The following PDE2A variants were observed in gnomAD, a reference collection of about 807,000 sequenced individuals.
PDE2A encodes cGMP-dependent 3',5'-cyclic phosphodiesterase.
PDE2A carries 53 observed loss-of-function variants against 133.6 expected under a neutral mutation model. The ratio of observed to expected loss-of-function variants is 0.40; its 90% CI spans 0.32 to 0.50. The LOEUF (loss-of-function observed/expected upper bound fraction) is 0.50, where lower values mean the gene tolerates loss of function less well. Ranked by LOEUF, PDE2A falls within the 20% of genes least tolerant of loss-of-function variation. The pLI, the probability that PDE2A is intolerant of heterozygous loss-of-function variation, is 0.73. For synonymous variants in PDE2A, 491 were observed against 490.2 expected, an observed-to-expected ratio of 1.00 and a Z score of -0.02; for missense variants, 796 against 1,232.4, an observed-to-expected ratio of 0.65 and a Z score of 5.30.
chr11:72,598,328 T>C (rs1160396838), intron 4 of PDE2A, among the ~76,000 whole-genome samples: 1 of 152,092 alleles, frequency 6.6e-6, no homozygotes, highest in Non-Finnish European at 1.5e-5. Flanking sequence ...CCCAAATACC[T>C]GTGGAGGTGT....
chr11:72,632,185 G>T (rs1858434452), intron 2 of PDE2A, among the ~76,000 whole-genome samples: 1 of 152,162 alleles, frequency 6.6e-6, no homozygotes, highest in Admixed American at 6.5e-5. Flanking sequence ...TTCTCGCCTG[G>T]GCACTGGATA....
chr11:72,586,165 C>G lies in PDE2A; in HGVS notation c.1087G>C (p.Glu363Gln). The change falls in exon 14 of 31, where the codon GAG (glutamate) becomes CAG (glutamine). Residue 363 changes from glutamate to glutamine, a missense_variant. Physicochemically the swap from Glu to Gln is conservative, Grantham distance 29 (BLOSUM62 2). Coordinates refer to ENST00000334456, the MANE Select transcript of PDE2A (RefSeq NM_002599.5). Reference sequence around the variant, plus strand: ...TGGAAGCAGTGCTGGATCACATGCTCGTCCTCGTCGGTGAACCTGGAGGAG... The same window carrying G: ...TGGAAGCAGTGCTGGATCACATGCTGGTCCTCGTCGGTGAACCTGGAGGAG... ...LEGDLFTDED[E>Q]HVIQHCFHYT... is the part of the protein sequence containing the mutation. 6.2e-7 allele frequency: 1 copy of G among 1,610,002 alleles called. No homozygotes were observed. The highest frequency in any genetic ancestry group is 1.1e-5 in the South Asian group (1 of 90,486).
intron 1 of PDE2A, chr11:72,643,284 C>T (rs1376838097): frequency 1.3e-5 from 2 of 152,272 alleles, no homozygotes; most frequent in African/African-American, 4.8e-5. Flanking sequence ...CAGCGGGTCA[C>T]CGGGGTCAGC....
intron 6 of PDE2A, among the ~76,000 whole-genome samples, chr11:72,591,936 T>C (rs749393320): frequency 3.9e-5 from 6 of 152,144 alleles, no homozygotes; most frequent in Admixed American, 3.3e-4. Context: ...GCCAGAAAAG[T>C]GGAGTGACTT....
Position 72,670,592 on chromosome 11 carries a change from TG to T in PDE2A, c.71+3544del, listed in dbSNP as rs1230386228. On this transcript the variant is annotated intron_variant, in intron 1 of 30. Coordinates refer to ENST00000334456, the MANE Select transcript of PDE2A (RefSeq NM_002599.5). ...CCTCACTCCCTTATTTGACCATGCCTGCTTCTTTATCATTATTTTTGGAGAG... is the reference window on the plus strand; with the variant it reads ...CCTCACTCCCTTATTTGACCATGCCTCTTCTTTATCATTATTTTTGGAGAG... Among the ~76,000 whole-genome samples the T allele has an allele frequency of 2.2e-5, 3 of 138,384 alleles. No individual in the cohort carries two copies. The East Asian group carries it at 6.8e-4, about 31-fold the overall frequency. 90.8% of individuals were successfully genotyped at this position (138,384 alleles called of 152,430 possible). A position where few individuals can be genotyped will look rare whatever the true frequency, so the allele number is the denominator to read the frequency against.
chr11:72,586,805 C>T (rs1855996675), intron 13 of PDE2A, among the ~76,000 whole-genome samples: 1 of 152,234 alleles, frequency 6.6e-6, no homozygotes, highest in Admixed American at 6.5e-5. Flanking sequence ...TAGCCCACAT[C>T]ACGCTGCCCT....
chr11:72,660,700 C>T (rs898486415), intron 1 of PDE2A, among the ~76,000 whole-genome samples: 3 of 152,128 alleles, frequency 2.0e-5, no homozygotes, highest in African/African-American at 2.4e-5. Context: ...CTCCCAAGCA[C>T]GTCCCTCCAC....
At chr11:72,586,326 C>T (rs1281867762) in intron 13 of PDE2A, 145 bp from the exon 14 acceptor site, 4 of 634,556 alleles carry the variant, frequency 6.3e-6, no homozygotes, top group Non-Finnish European at 1.1e-5. Context: ...AACAGCTTCC[C>T]ACCCCCATGA....
intron 1 of PDE2A, among the ~76,000 whole-genome samples, chr11:72,666,561 G>C (rs535623683): frequency 1.3e-5 from 2 of 152,046 alleles, no homozygotes; most frequent in Non-Finnish European, 2.9e-5. Flanking sequence ...AGGAAAGCGC[G>C]ACCCAGGAGA....
At position 72,588,902 on chromosome 11, in the gene PDE2A, G is replaced by C; in HGVS notation, c.952C>G (p.Gln318Glu). The change falls in exon 13 of 31, where the codon CAG becomes GAG. Residue 318 changes from glutamine (Q) to glutamate (E), a missense_variant. Physicochemically the swap from Gln to Glu is conservative, Grantham distance 29. Coordinates refer to ENST00000334456, the MANE Select transcript of PDE2A (RefSeq NM_002599.5). ...TCACAGCCCAACATGCTCTGCAGCT[G>C]TTGTACATCCTCCTGCAAAGGCGAG... ...LKDLTSEDVQ[Q>E]LQSMLGCELQ... 1 of 1,604,740 alleles carries C rather than the reference G, an allele frequency of 6.2e-7. No individual in the cohort carries two copies. Among genetic ancestry groups the C allele is most frequent in the Non-Finnish European group, 8.5e-7 (1 of 1,173,076 alleles).
At chr11:72,656,203 A>C (rs1213575797) in intron 1 of PDE2A, among the ~76,000 whole-genome samples, 1 of 152,192 alleles carries the variant, frequency 6.6e-6, no homozygotes, top group Non-Finnish European at 1.5e-5. Flanking sequence ...CGCTAGGCCC[A>C]GCCCAGCCAC....
chr11:72,630,371 G>A (rs1256641226), intron 2 of PDE2A, among the ~76,000 whole-genome samples: 4 of 152,148 alleles, frequency 2.6e-5, no homozygotes, highest in Non-Finnish European at 5.9e-5. Context: ...GCATCTGACT[G>A]CCAGGGCAGG....
chr11:72,577,633 A>T (rs750600032), intron 30 of PDE2A, 39 bp from the exon 31 acceptor site: 2 of 1,439,238 alleles, frequency 1.4e-6, no homozygotes, highest in African/African-American at 2.8e-5. Context: ...GAGGCCAGAA[A>T]TCAGACCATG....
chr11:72,650,104 C>T (rs1854685776), intron 1 of PDE2A, among the ~76,000 whole-genome samples: 1 of 151,616 alleles, frequency 6.6e-6, no homozygotes, highest in South Asian at 2.1e-4. Flanking sequence ...TCACTGCAAC[C>T]TCCGCCTCTC....
Position 72,669,971 on chromosome 11 carries a change from C to T in PDE2A, c.71+4166G>A, listed in dbSNP as rs143158243. On this transcript the variant is annotated intron_variant, in intron 1 of 30. Coordinates refer to ENST00000334456, the MANE Select transcript of PDE2A (RefSeq NM_002599.5). ...ATCAAGCCTGTTGGAGACACCTTCA[C>T]GGAAGAAAGTGCTTCCTACAGTCTA... 1.7e-3 allele frequency among the ~76,000 whole-genome samples: 253 copies of T among 152,298 alleles called. 2 individuals carry two copies. The highest frequency in any genetic ancestry group is 5.8e-3 in the African/African-American group (240 of 41,562).
At chr11:72,592,977 G>A (rs1258602051) in intron 6 of PDE2A, among the ~76,000 whole-genome samples, 2 of 152,060 alleles carry the variant, frequency 1.3e-5, no homozygotes, top group South Asian at 2.1e-4. Context: ...GGAGGAGGAC[G>A]TGGTTCTTGT....
Position 72,590,276 on chromosome 11 carries a change from G to A in PDE2A, c.704-32C>T, listed in dbSNP as rs1856176899. 6.5e-7 allele frequency: 1 copy of A among 1,548,370 alleles called. No individual in the cohort carries two copies. The highest frequency in any genetic ancestry group is 2.0e-5 in the Admixed American group (1 of 50,968). ...GGGCCAGGCGCCGGTCAGAGAGAGG[G>A]CCCCTCCGCACCTCCGTGTCCGGGT... is the stretch of plus-strand genomic sequence containing the variant. On this transcript the variant is annotated intron_variant, in intron 8 of 30. Coordinates refer to ENST00000334456, the MANE Select transcript of PDE2A (RefSeq NM_002599.5). This position sits in a 1 kb window ranked among gnomAD's most constrained non-coding sequence, Gnocchi z 4.8.
intron 6 of PDE2A, among the ~76,000 whole-genome samples, chr11:72,592,195 CA>C (rs1252589122): frequency 6.6e-6 from 1 of 152,118 alleles, no homozygotes; most frequent in Non-Finnish European, 1.5e-5. Flanking sequence ...GGGAGGGTGG[CA>C]GCCTAGGGAC....
chr11:72,581,123 G>T (rs3781939), intron 23 of PDE2A, 150 bp from the exon 24 acceptor site: 320,082 of 718,964 alleles, frequency 0.45, 76,330 homozygotes, highest in Middle Eastern at 0.52. Flanking sequence ...AAGAAGCACT[G>T]GTTTGGAGCC....
Sources: allele counts gnomAD v4.1 joint callset (sites outside exome capture counted in the v4.1 genomes callset), GRCh38; gene constraint gnomAD v4.1.1; non-coding constraint Gnocchi (gnomAD v3.1); transcripts MANE v1.5; gene names NCBI Gene and HGNC (gene_info 2026-07-23, HGNC 2026-07-21).